Variants in SOBP observed in about 807,000 individuals in gnomAD.
The protein encoded by SOBP is sine oculis-binding protein homolog.
SOBP carries 4 observed loss-of-function variants against 53.6 expected under a neutral mutation model. The observed-to-expected ratio is 0.07, with a 90% CI of 0.04 to 0.17. The LOEUF is 0.17. Among genes scored for constraint, SOBP ranks in the 10% least tolerant of loss-of-function variants. The probability of loss-of-function intolerance (pLI) is 1.00; values close to 1 mark genes in which losing one functional copy is unlikely to be tolerated. For synonymous variants in SOBP, 584 were observed against 522.6 expected (o/e 1.12, Z -1.60); for missense variants, 1,088 against 1,204.7 (o/e 0.90, Z 1.43).
chr6:107,542,381 A>C (rs1005890421), intron 4 of SOBP, among the ~76,000 whole-genome samples: 2 of 152,170 alleles, frequency 1.3e-5, no homozygotes, highest in African/African-American at 4.8e-5. Context: ...AGCAGCAAGA[A>C]GTACAGATGT....
At chr6:107,586,348 T>A (rs941947276) in intron 4 of SOBP, among the ~76,000 whole-genome samples, 1 of 152,040 alleles carries the variant, frequency 6.6e-6, no homozygotes, top group African/African-American at 2.4e-5. Context: ...CACCTACCTC[T>A]CCCTTCTCTC....
chr6:107,654,404 C>A (rs1173491975), intron 6 of SOBP, among the ~76,000 whole-genome samples: 1 of 152,146 alleles, frequency 6.6e-6, no homozygotes, highest in Non-Finnish European at 1.5e-5. Context: ...TCCCCAGAAT[C>A]CCCTGCTTTA....
chr6:107,637,464 G>A (rs554028864), intron 6 of SOBP, among the ~76,000 whole-genome samples: 3 of 152,234 alleles, frequency 2.0e-5, no homozygotes, highest in African/African-American at 2.4e-5. Flanking sequence ...ACATCTACAA[G>A]TTCTGCTGCC....
chr6:107,519,844 A>G (rs762066592), intron 3 of SOBP, among the ~76,000 whole-genome samples: 72 of 152,086 alleles, frequency 4.7e-4, no homozygotes, highest in Admixed American at 2.6e-3. Flanking sequence ...CCTCACTCCT[A>G]CTTTCTGGGA....
chr6:107,613,792 C>G (rs1468550268), intron 5 of SOBP, among the ~76,000 whole-genome samples: 1 of 151,386 alleles, frequency 6.6e-6, no homozygotes, highest in Non-Finnish European at 1.5e-5. Context: ...TCAATTTATA[C>G]TGGCTTCTAG....
chr6:107,621,148 G>A (rs699699), intron 5 of SOBP: 839,185 of 850,542 alleles, frequency 0.99, 414,078 homozygotes, highest in East Asian at 1. Flanking sequence ...ATTTATTGGA[G>A]GAAAGGAGCT....
intron 4 of SOBP, among the ~76,000 whole-genome samples, chr6:107,548,383 C>T (rs1237737583): frequency 6.6e-6 from 1 of 151,748 alleles, no homozygotes; most frequent in Non-Finnish European, 1.5e-5. Context: ...GCTGGGACTA[C>T]AGGCGCCCGC....
chr6:107,659,370 T>G lies in SOBP; in HGVS notation c.*1167T>G, dbSNP rs1772198862. ...ACAGGGTAGATTCACTTGTGTGCAC[T>G]TGTACAGTTGTAGCTGCGAGTCCAG... is the stretch of plus-strand genomic sequence containing the variant. On this transcript the variant is annotated 3_prime_UTR_variant, in exon 7 of 7. Transcript: ENST00000317357. 6.6e-6 allele frequency: 1 copy of G among 152,612 alleles called. No individual in the cohort carries two copies. The highest frequency in any genetic ancestry group is 1.5e-5 in the Non-Finnish European group (1 of 68,038). 9.5% of individuals were successfully genotyped at this position (152,612 alleles called of 1,614,324 possible).
At chr6:107,657,215 C>G (rs1772106587) in intron 6 of SOBP, among the ~76,000 whole-genome samples, 1 of 152,160 alleles carries the variant, frequency 6.6e-6, no homozygotes, top group African/African-American at 2.4e-5. Context: ...CTATTTCAAA[C>G]CAAGTGACTG....
intron 4 of SOBP, among the ~76,000 whole-genome samples, chr6:107,553,384 A>G (rs1196825067): frequency 6.6e-6 from 1 of 151,634 alleles, no homozygotes; most frequent in Non-Finnish European, 1.5e-5. Context: ...GCCTGAGTGC[A>G]GTGGCACGAT....
chr6:107,501,972 A>G (rs975458706), intron 1 of SOBP, among the ~76,000 whole-genome samples: 5 of 152,208 alleles, frequency 3.3e-5, no homozygotes, highest in East Asian at 1.9e-4. Flanking sequence ...CACTGAATCA[A>G]TCTGGCTAGT....
At chr6:107,610,921 A>G (rs1786572740) in intron 5 of SOBP, among the ~76,000 whole-genome samples, 1 of 152,198 alleles carries the variant, frequency 6.6e-6, no homozygotes, top group African/African-American at 2.4e-5. Flanking sequence ...ATGCATCACT[A>G]CCATAGTTAC....
rs1409686226 is a variant in SOBP at position 107,659,809 on chromosome 6, C to T, written c.*1606C>T. On this transcript the variant is annotated 3_prime_UTR_variant, in exon 7 of 7. Transcript: ENST00000317357. ...GTCAAGCTACTGTTTTACAGGTGCTCCTTATTTATTAGAGCTGTGAGAGCT... is the reference window on the plus strand; with the variant it reads ...GTCAAGCTACTGTTTTACAGGTGCTTCTTATTTATTAGAGCTGTGAGAGCT... 1 of 152,280 alleles carries T rather than the reference C, an allele frequency of 6.6e-6. No homozygotes were observed. The allele number at this position is 152,280 out of a possible 1,614,324, so 9.4% of individuals were successfully genotyped here. A position where few individuals can be genotyped will look rare whatever the true frequency, so the allele number is the denominator to read the frequency against.
intron 1 of SOBP, among the ~76,000 whole-genome samples, chr6:107,501,602 GAT>G (rs1782844808): frequency 6.6e-6 from 1 of 151,994 alleles, no homozygotes; most frequent in Admixed American, 6.6e-5. Context: ...TGTTTTTTTT[GAT>G]GAAAAGTATA....
chr6:107,493,169 A>G (rs1170388216), intron 1 of SOBP, among the ~76,000 whole-genome samples: 1 of 152,052 alleles, frequency 6.6e-6, no homozygotes, highest in Non-Finnish European at 1.5e-5. Context: ...CTGTATATAA[A>G]TGTGTGCAAC....
At chr6:107,499,573 T>G (rs1207565911) in intron 1 of SOBP, among the ~76,000 whole-genome samples, 3 of 152,220 alleles carry the variant, frequency 2.0e-5, no homozygotes, top group Non-Finnish European at 4.4e-5. Flanking sequence ...CTGGCACATT[T>G]TGATGATTTA....
chr6:107,510,120 A>G (rs989992821), intron 3 of SOBP, among the ~76,000 whole-genome samples: 7 of 152,204 alleles, frequency 4.6e-5, no homozygotes, highest in Admixed American at 2.0e-4. Flanking sequence ...GACTTTTTAG[A>G]CCATACTGTC....
At chr6:107,625,600 T>G (rs567813097) in intron 5 of SOBP, among the ~76,000 whole-genome samples, 8 of 152,274 alleles carry the variant, frequency 5.3e-5, no homozygotes, top group African/African-American at 1.7e-4. Flanking sequence ...GCACACAACG[T>G]AAGCTTGGCC....
At position 107,490,396 on chromosome 6, in the gene SOBP, T is replaced by A. The variant is rs1782545325; in HGVS notation, c.-221T>A. On this transcript the variant is annotated 5_prime_UTR_variant, in exon 1 of 7. Transcript: ENST00000317357. ...GCGGCATCCCCGAGACTCTCCGCACTATCCTTACCCGTGACAGCCACTGAC... is the reference window on the plus strand; with the variant it reads ...GCGGCATCCCCGAGACTCTCCGCACAATCCTTACCCGTGACAGCCACTGAC... 7.5e-6 allele frequency: 3 copies of A among 400,976 alleles called. No homozygotes were observed. Among genetic ancestry groups the A allele is most frequent in the Non-Finnish European group, 1.4e-5 (3 of 216,136 alleles). 24.8% of individuals were successfully genotyped at this position (400,976 alleles called of 1,614,324 possible).
Sources: allele counts gnomAD v4.1 joint callset (sites outside exome capture counted in the v4.1 genomes callset), GRCh38; gene constraint gnomAD v4.1.1; transcripts MANE v1.5; gene names NCBI Gene and HGNC (gene_info 2026-07-23, HGNC 2026-07-21).